The following PSMA1 variants were observed in gnomAD, a reference collection of about 807,000 sequenced individuals.
PSMA1 encodes the protein proteasome 20S subunit alpha 1.
Under a neutral mutation model 38.4 loss-of-function variants are expected in PSMA1, and 3 were observed. That is an observed-to-expected ratio of 0.08 (90% confidence interval 0.04 to 0.20). The LOEUF is 0.20. PSMA1 is among the 10% of genes least tolerant of loss of function. PSMA1 has a pLI of 1.00. For synonymous variants in PSMA1, 101 were observed against 107.1 expected (o/e 0.94, Z 0.35); for missense variants, 227 against 325.3 (o/e 0.70, Z 2.32).
chr11:14,590,780 C>T (rs1341757513), intron 2 of PSMA1, among the ~76,000 whole-genome samples: 2 of 152,208 alleles, frequency 1.3e-5, no homozygotes, highest in Non-Finnish European at 2.9e-5. Context: ...AAACCCGAGA[C>T]CCGCACGCCC....
In PSMA1 at chr11:14,530,897, G is replaced by A. The variant is rs745460133; in HGVS notation, c.22-11856C>T. Among the ~76,000 whole-genome samples the A allele has an allele frequency of 1.7e-4, 13 of 78,180 alleles. No homozygotes were observed. In the South Asian group the frequency reaches 4.1e-3, roughly 25 times the overall value. 51.3% of individuals were successfully genotyped at this position (78,180 alleles called of 152,430 possible). A position where few individuals can be genotyped will look rare whatever the true frequency, so the allele number is the denominator to read the frequency against. On this transcript the variant is annotated intron_variant, in intron 2 of 10. Coordinates refer to the PSMA1 transcript ENST00000418988. ...AGCTTGGGCGACAGGTCAAGACTCC[G>A]TCTCAAAAAAAAAAAAAAAAAAATT... is the stretch of plus-strand genomic sequence containing the variant.
chr11:14,631,628 A>C (rs1350872752), intron 1 of PSMA1, among the ~76,000 whole-genome samples: 2 of 152,192 alleles, frequency 1.3e-5, no homozygotes, highest in Non-Finnish European at 2.9e-5. Context: ...GGTGCTGAAA[A>C]AAATGTATAT....
chr11:14,507,901 T>C (rs1851272908), intron 8 of PSMA1, 135 bp from the exon 9 acceptor site: 3 of 615,502 alleles, frequency 4.9e-6, no homozygotes, highest in South Asian at 4.3e-5. Flanking sequence ...CACTTATGTG[T>C]AGGAGAAAAA....
intron 7 of PSMA1, among the ~76,000 whole-genome samples, chr11:14,512,424 T>C (rs537345253): frequency 2.1e-4 from 32 of 152,260 alleles, no homozygotes; most frequent in Admixed American, 1.3e-3. Flanking sequence ...AGATATTCCA[T>C]GTTCATGGAT....
At chr11:14,537,156 A>G (rs948332341) in intron 2 of PSMA1, among the ~76,000 whole-genome samples, 2 of 152,210 alleles carry the variant, frequency 1.3e-5, no homozygotes, top group Non-Finnish European at 2.9e-5. Context: ...AATAAAAGTA[A>G]TATGTCCTTT....
intron 1 of PSMA1, among the ~76,000 whole-genome samples, chr11:14,625,254 G>C (rs1036631041): frequency 6.6e-6 from 1 of 152,190 alleles, no homozygotes; most frequent in Non-Finnish European, 1.5e-5. Context: ...TTTGAGACCA[G>C]TCTGGCCAAC....
intron 1 of PSMA1, among the ~76,000 whole-genome samples, chr11:14,623,539 A>G (rs1258581609): frequency 1.3e-5 from 2 of 152,200 alleles, no homozygotes; most frequent in African/African-American, 4.8e-5. Flanking sequence ...AAGATTTTAG[A>G]GAAGGAGTTC....
At chr11:14,525,015 C>G (rs897916002), upstream of PSMA1, among the ~76,000 whole-genome samples, 2 of 152,000 alleles carry the variant, frequency 1.3e-5, no homozygotes, top group African/African-American at 4.8e-5. Context: ...AGGGTAAGTC[C>G]GTCTCCTTCT....
intron 2 of PSMA1, among the ~76,000 whole-genome samples, chr11:14,582,969 G>A (rs1410769335): frequency 1.3e-5 from 2 of 152,174 alleles, no homozygotes; most frequent in Non-Finnish European, 2.9e-5. Flanking sequence ...TGTACTTTGT[G>A]GCGACGGCCA....
chr11:14,558,115 T>G lies in PSMA1; in HGVS notation c.22-39074A>C, dbSNP rs138699150. On this transcript the variant is annotated intron_variant, in intron 2 of 10. Coordinates refer to the PSMA1 transcript ENST00000418988. Reference sequence around the variant, plus strand: ...TTCTGCAAGTGGAAGGATAATCATATTAAAAGTCACAATCTACCTTGGCAT... The same window carrying G: ...TTCTGCAAGTGGAAGGATAATCATAGTAAAAGTCACAATCTACCTTGGCAT... Among the ~76,000 whole-genome samples, 6 of 151,990 alleles carry G rather than the reference T, an allele frequency of 3.9e-5. No individual in the cohort carries two copies. In the East Asian group the frequency reaches 1.2e-3, roughly 29 times the overall value.
chr11:14,604,191 C>A (rs1180235559), intron 2 of PSMA1, among the ~76,000 whole-genome samples: 2 of 152,196 alleles, frequency 1.3e-5, no homozygotes, highest in Non-Finnish European at 2.9e-5. Context: ...TCCTGAGTAG[C>A]TGGGATTACA....
At chr11:14,552,732 A>C (rs1851899503) in intron 2 of PSMA1, among the ~76,000 whole-genome samples, 1 of 152,104 alleles carries the variant, frequency 6.6e-6, no homozygotes, top group Admixed American at 6.6e-5. Context: ...CCAAATGTTT[A>C]ATTCTAATTT....
chr11:14,618,684 T>C (rs1250107260), intron 1 of PSMA1, among the ~76,000 whole-genome samples: 1 of 152,234 alleles, frequency 6.6e-6, no homozygotes, highest in African/African-American at 2.4e-5. Flanking sequence ...AACTTGTTGT[T>C]AACTGGCTTC....
At chr11:14,610,275 T>C (rs1363737726) in intron 2 of PSMA1, among the ~76,000 whole-genome samples, 2 of 152,194 alleles carry the variant, frequency 1.3e-5, no homozygotes, top group Non-Finnish European at 2.9e-5. Flanking sequence ...TCAAATCCTC[T>C]TAATTTTATT....
chr11:14,505,135 T>C lies in PSMA1; in HGVS notation c.*57A>G, dbSNP rs1851223915. The C allele has an allele frequency of 6.3e-6, 9 of 1,420,272 alleles. No homozygotes were observed. Among genetic ancestry groups the C allele is most frequent in the Non-Finnish European group, 9.0e-6 (9 of 1,004,290 alleles). 88.0% of individuals were successfully genotyped at this position (1,420,272 alleles called of 1,614,324 possible). On this transcript the variant is annotated 3_prime_UTR_variant, in exon 10 of 10. Transcript: ENST00000396394. ...TCAAAGTATAGATTATTGTCATCAG[T>C]ATGTGGTGCCTGTATTCTTACATAT...
intron 2 of PSMA1, among the ~76,000 whole-genome samples, chr11:14,585,964 A>G (rs1376939454): frequency 1.3e-5 from 2 of 152,348 alleles, no homozygotes; most frequent in Non-Finnish European, 2.9e-5. Flanking sequence ...TATTTTATTG[A>G]GAAAATTTTC....
intron 2 of PSMA1, among the ~76,000 whole-genome samples, chr11:14,596,732 T>G (rs1852500257): frequency 6.6e-6 from 1 of 152,202 alleles, no homozygotes; most frequent in Non-Finnish European, 1.5e-5. Flanking sequence ...TGAATACCCT[T>G]TATTTCTTTC....
intron 2 of PSMA1, among the ~76,000 whole-genome samples, chr11:14,554,982 T>C (rs1239761912): frequency 6.6e-6 from 1 of 152,266 alleles, no homozygotes; most frequent in Non-Finnish European, 1.5e-5. Flanking sequence ...ATAGAGTTGC[T>C]TTTACTGAGC....
intron 1 of PSMA1, among the ~76,000 whole-genome samples, chr11:14,622,066 G>T (rs772269765): frequency 2.0e-5 from 3 of 152,092 alleles, no homozygotes; most frequent in Non-Finnish European, 2.9e-5. Flanking sequence ...TACCTGCTAG[G>T]TCCTAGATGC....
Sources: allele counts gnomAD v4.1 joint callset (sites outside exome capture counted in the v4.1 genomes callset), GRCh38; gene constraint gnomAD v4.1.1; transcripts MANE v1.5; gene names NCBI Gene and HGNC (gene_info 2026-07-23, HGNC 2026-07-21).